The following FER variants were observed in gnomAD, a reference collection of about 807,000 sequenced individuals.
FER encodes the protein tyrosine-protein kinase Fer.
A neutral mutation model predicts 111.0 loss-of-function variants in FER; 63 were observed. The ratio of observed to expected loss-of-function variants is 0.57; its 90% CI spans 0.46 to 0.70. The LOEUF (loss-of-function observed/expected upper bound fraction) is 0.70, where lower values mean the gene tolerates loss of function less well. Ranked by LOEUF, FER falls within the 30% of genes least tolerant of loss-of-function variation. FER has a pLI of 0.00. For synonymous variants in FER, 327 were observed against 313.9 expected (o/e 1.04, Z -0.44); for missense variants, 914 against 954.0 (o/e 0.96, Z 0.55).
At chr5:108,960,211 T>G (rs1176738555) in intron 13 of FER, among the ~76,000 whole-genome samples, 1 of 152,178 alleles carries the variant, frequency 6.6e-6, no homozygotes, top group African/African-American at 2.4e-5. Context: ...TGCTGGTACC[T>G]AGTCTGGATT....
At position 109,047,130 on chromosome 5, in the gene FER, A is replaced by G. The variant is rs1337490539; in HGVS notation, c.1856A>G (p.Asn619Ser). The change falls in exon 16 of 20, where the codon AAT becomes AGT. Residue 619 changes from asparagine to serine, a missense_variant. Asn to Ser is a conservative substitution (Grantham distance 46). Coordinates refer to ENST00000281092, the MANE Select transcript of FER (RefSeq NM_005246.4). ...AKILKQYDHPNIVKLIGVCTQ... is the reference protein window; with the variant it reads ...AKILKQYDHPSIVKLIGVCTQ... ...ATTCTCAAGCAATATGATCATCCCA[A>G]TATTGTCAAACTTATAGGAGTTTGC... 6.2e-7 allele frequency: 1 copy of G among 1,603,814 alleles called. No individual in the cohort carries two copies. The highest frequency in any genetic ancestry group is 8.5e-7 in the Non-Finnish European group (1 of 1,173,350).
rs148768189 is a variant in FER at position 108,963,952 on chromosome 5, TATA to T, written c.1656+4609_1656+4611del. 7.5e-3 allele frequency among the ~76,000 whole-genome samples: 1,138 copies of T among 152,324 alleles called. 14 individuals carry two copies. Among genetic ancestry groups the T allele is most frequent in the African/African-American group, 0.026 (1,063 of 41,576 alleles). On this transcript the variant is annotated intron_variant, in intron 13 of 19. Transcript: ENST00000281092. ...TAGTAATTTTCATTTTATAGAGGCT[TATA>T]ATATAGTTTTTGATATGTTGATGTC...
chr5:108,785,004 A>G (rs961938420), intron 2 of FER: 5 of 280,410 alleles, frequency 1.8e-5, no homozygotes, highest in Admixed American at 3.9e-5. Context: ...CCTGTTCCCA[A>G]CACCTGGGTG....
intron 16 of FER, among the ~76,000 whole-genome samples, chr5:109,065,066 A>T (rs1248979300): frequency 6.6e-6 from 1 of 152,174 alleles, no homozygotes; most frequent in Non-Finnish European, 1.5e-5. Flanking sequence ...CAATTGAAAT[A>T]AAAAACAAAT....
intron 17 of FER, among the ~76,000 whole-genome samples, chr5:109,105,943 C>T (rs77410424): frequency 0.01 from 1,588 of 152,234 alleles, 23 homozygotes; most frequent in African/African-American, 0.036. Context: ...AAAACAATAG[C>T]GGTACTATTG....
At chr5:109,102,559 T>G (rs945496422) in intron 17 of FER, among the ~76,000 whole-genome samples, 14 of 152,232 alleles carry the variant, frequency 9.2e-5, no homozygotes, top group Admixed American at 3.3e-4. Flanking sequence ...ATCTTCTTTT[T>G]GTTTTTATTC....
At chr5:109,040,339 C>T (rs929077596) in intron 14 of FER, among the ~76,000 whole-genome samples, 2 of 151,874 alleles carry the variant, frequency 1.3e-5, no homozygotes, top group South Asian at 2.1e-4. Context: ...CTTGCCCACT[C>T]GAACATTAAG....
At chr5:109,164,945 G>A (rs1756378900) in intron 17 of FER, among the ~76,000 whole-genome samples, 1 of 152,022 alleles carries the variant, frequency 6.6e-6, no homozygotes, top group South Asian at 2.1e-4. Context: ...CTTTGCTCCT[G>A]TTTTTCCTCC....
chr5:108,918,676 A>G (rs1205720289), intron 10 of FER, among the ~76,000 whole-genome samples: 2 of 151,564 alleles, frequency 1.3e-5, no homozygotes, highest in Non-Finnish European at 2.9e-5. Flanking sequence ...TTTACTAGAG[A>G]CGGGGTTTCA....
intron 2 of FER, among the ~76,000 whole-genome samples, chr5:108,795,126 G>A (rs1755865467): frequency 6.6e-6 from 1 of 152,188 alleles, no homozygotes; most frequent in Non-Finnish European, 1.5e-5. Flanking sequence ...GAGTTTGACA[G>A]CAGCCTGGGC....
intron 17 of FER, among the ~76,000 whole-genome samples, chr5:109,105,318 T>C (rs1748779918): frequency 6.6e-6 from 1 of 151,536 alleles, no homozygotes; most frequent in East Asian, 1.9e-4. Flanking sequence ...AGATTTGGTA[T>C]GCTTCTGACC....
chr5:109,187,362 T>TA, intron 19 of FER, 71 bp from the exon 20 acceptor site: 2 of 1,507,684 alleles, frequency 1.3e-6, no homozygotes, highest in Non-Finnish European at 1.8e-6. Flanking sequence ...AATAACTGCA[T>TA]AATGCCCTGT....
intron 16 of FER, among the ~76,000 whole-genome samples, chr5:109,069,740 A>G (rs1039532455): frequency 6.6e-6 from 1 of 152,080 alleles, no homozygotes; most frequent in Non-Finnish European, 1.5e-5. Context: ...CCTATTTCCA[A>G]TCCATCATTG....
intron 17 of FER, among the ~76,000 whole-genome samples, chr5:109,151,366 A>G (rs1171205632): frequency 6.6e-5 from 10 of 152,146 alleles, no homozygotes; most frequent in African/African-American, 2.4e-4. Context: ...AAGACCATAA[A>G]ACAAGAAACT....
At chr5:109,067,660 A>G (rs1168417933) in intron 16 of FER, among the ~76,000 whole-genome samples, 2 of 152,072 alleles carry the variant, frequency 1.3e-5, no homozygotes, top group African/African-American at 2.4e-5. Flanking sequence ...CTGCTACTAT[A>G]GTAATACAGA....
intron 2 of FER, among the ~76,000 whole-genome samples, chr5:108,774,082 G>A (rs1404872854): frequency 1.3e-5 from 2 of 151,722 alleles, no homozygotes; most frequent in African/African-American, 4.8e-5. Flanking sequence ...GCCCTGGTAT[G>A]TGTTGTTCCC....
At chr5:108,757,678 C>T (rs564293498) in intron 1 of FER, among the ~76,000 whole-genome samples, 3 of 152,302 alleles carry the variant, frequency 2.0e-5, no homozygotes, top group Admixed American at 6.5e-5. Context: ...TGTCCTCCAT[C>T]CCTTCTGTCG....
chr5:109,056,593 CAG>C (rs1333633271), intron 16 of FER, among the ~76,000 whole-genome samples: 2 of 151,992 alleles, frequency 1.3e-5, no homozygotes, highest in African/African-American at 4.8e-5. Context: ...AGATGTAGGT[CAG>C]AGGATACAAA....
At chr5:109,023,621 C>G (rs924794151) in intron 13 of FER, among the ~76,000 whole-genome samples, 3 of 151,860 alleles carry the variant, frequency 2.0e-5, no homozygotes, top group African/African-American at 7.3e-5. Context: ...CATTTTTATT[C>G]TCTATCTCAG....
Sources: allele counts gnomAD v4.1 joint callset (sites outside exome capture counted in the v4.1 genomes callset), GRCh38; gene constraint gnomAD v4.1.1; transcripts MANE v1.5; gene names NCBI Gene and HGNC (gene_info 2026-07-23, HGNC 2026-07-21).